ABCB5: variants seen among roughly 807,000 people sequenced by gnomAD.
ABCB5 encodes the protein ATP-binding cassette sub-family B member 5.
A neutral mutation model predicts 144.2 loss-of-function variants in ABCB5; 155 were observed. That is an observed-to-expected ratio of 1.08 (90% CI 0.94 to 1.23). ABCB5 has a LOEUF of 1.23. Ranked by LOEUF, ABCB5 falls within the 50% of genes most tolerant of loss-of-function variation. The pLI, the probability that ABCB5 is intolerant of heterozygous loss-of-function variation, is 0.00. For synonymous variants in ABCB5, 610 were observed against 528.6 expected, an observed-to-expected ratio of 1.15 and a Z score of -2.11; for missense variants, 1,830 against 1,520.8, an observed-to-expected ratio of 1.20 and a Z score of -3.38.
intron 20 of ABCB5, among the ~76,000 whole-genome samples, chr7:20,706,551 C>G (rs111608909): frequency 0.01 from 1,583 of 152,294 alleles, 27 homozygotes; most frequent in African/African-American, 0.037. Flanking sequence ...TGACTAATAT[C>G]ATTTCATCAC....
intron 15 of ABCB5, among the ~76,000 whole-genome samples, chr7:20,682,381 T>C (rs573256550): frequency 9.9e-4 from 150 of 152,146 alleles, no homozygotes; most frequent in African/African-American, 3.5e-3. Flanking sequence ...AAAAGCAAGA[T>C]TGATGGGGAG....
intron 23 of ABCB5, among the ~76,000 whole-genome samples, chr7:20,731,018 C>G (rs760361025): frequency 6.6e-6 from 1 of 151,964 alleles, no homozygotes; most frequent in African/African-American, 2.4e-5. Context: ...TCATCAATTT[C>G]TCTGTCACTA....
chr7:20,708,522 A>G lies in ABCB5; in HGVS notation c.2421+3715A>G, dbSNP rs74783484. On this transcript the variant is annotated intron_variant, in intron 20 of 27. Coordinates refer to ENST00000404938, the MANE Select transcript of ABCB5 (RefSeq NM_001163941.2). ...TTGTCTGAAAAAAAATTGTTTTTCA[A>G]TCTTGGCCTTGAATTCATAATATTG... 5.9e-5 allele frequency among the ~76,000 whole-genome samples: 9 copies of G among 152,266 alleles called. No individual in the cohort carries two copies. The East Asian group carries it at 1.2e-3, about 20-fold the overall frequency.
chr7:20,645,094 G>A (rs1313664506), intron 7 of ABCB5, among the ~76,000 whole-genome samples: 1 of 152,180 alleles, frequency 6.6e-6, no homozygotes, highest in African/African-American at 2.4e-5. Flanking sequence ...GTGAAGGTCA[G>A]AGTTATCCAG....
chr7:20,643,850 C>T (rs1326777548), intron 7 of ABCB5, among the ~76,000 whole-genome samples: 1 of 152,224 alleles, frequency 6.6e-6, no homozygotes, highest in African/African-American at 2.4e-5. Context: ...AGCTTACTAA[C>T]ATTGAAAACA....
At chr7:20,678,462 A>G (rs1453936037) in intron 14 of ABCB5, among the ~76,000 whole-genome samples, 1 of 152,164 alleles carries the variant, frequency 6.6e-6, no homozygotes. Context: ...TCTGAGTTCC[A>G]TTTTCCTGCT....
intron 14 of ABCB5, among the ~76,000 whole-genome samples, chr7:20,664,552 A>G (rs1785108751): frequency 6.6e-6 from 1 of 152,176 alleles, no homozygotes; most frequent in Non-Finnish European, 1.5e-5. Context: ...CTTCCTCCCA[A>G]AATAAGGAAA....
chr7:20,674,942 C>T (rs1376638494), intron 14 of ABCB5, among the ~76,000 whole-genome samples: 1 of 151,824 alleles, frequency 6.6e-6, no homozygotes, highest in Non-Finnish European at 1.5e-5. Flanking sequence ...TAGAAATAAA[C>T]TTAAGAAGCT....
intron 14 of ABCB5, among the ~76,000 whole-genome samples, chr7:20,672,081 G>A (rs1785470312): frequency 6.6e-6 from 1 of 152,064 alleles, no homozygotes; most frequent in Non-Finnish European, 1.5e-5. Context: ...GCATTTTTAT[G>A]TGCATATTAA....
intron 24 of ABCB5, among the ~76,000 whole-genome samples, chr7:20,741,096 CCTT>C (rs1321514144): frequency 1.1e-4 from 16 of 147,188 alleles, no homozygotes; most frequent in Non-Finnish European, 2.2e-4. Context: ...GAGCGAGACT[CCTT>C]CTCAAAAAAA....
intron 13 of ABCB5, 53 bp from the exon 14 acceptor site, chr7:20,658,453 C>G: frequency 6.4e-7 from 1 of 1,566,006 alleles, no homozygotes; most frequent in East Asian, 2.2e-5. Context: ...CCTGTTCTAA[C>G]CATTTGATCA....
intron 3 of ABCB5, among the ~76,000 whole-genome samples, chr7:20,627,520 C>T (rs138322373): frequency 1.3e-5 from 2 of 152,012 alleles, no homozygotes; most frequent in South Asian, 2.1e-4. Context: ...TGGCCTCTCT[C>T]GGTAATATAA....
chr7:20,626,953 ACTAT>A (rs1475526039), intron 3 of ABCB5, among the ~76,000 whole-genome samples: 3 of 151,314 alleles, frequency 2.0e-5, no homozygotes, highest in African/African-American at 7.3e-5. Context: ...AGTGACTTTT[ACTAT>A]CTATGTTTAC....
intron 14 of ABCB5, among the ~76,000 whole-genome samples, chr7:20,676,550 T>C (rs1241250648): frequency 2.0e-5 from 3 of 152,158 alleles, no homozygotes; most frequent in Non-Finnish European, 2.9e-5. Flanking sequence ...CAGTCAGACT[T>C]GTAGATGCAG....
rs184386560 is a variant in ABCB5 at position 20,642,131 on chromosome 7, A to G, written c.315-1053A>G. 4.7e-3 allele frequency among the ~76,000 whole-genome samples: 710 copies of G among 152,294 alleles called. 20 individuals carry two copies. Among genetic ancestry groups the G allele is most frequent in the South Asian group, 0.046 (222 of 4,830 alleles). ...GGAGTGGTCTTTTAAAAAGTTGAAC[A>G]GATAATGCCATCCCATGCTCAGATC... On this transcript the variant is annotated intron_variant, in intron 5 of 27. Transcript: ENST00000404938.
At position 20,725,723 on chromosome 7, in the gene ABCB5, C is replaced by T. The variant is rs190427558; in HGVS notation, c.2626-1317C>T. Among the ~76,000 whole-genome samples the T allele has an allele frequency of 2.0e-5, 3 of 151,966 alleles. No individual in the cohort carries two copies. The East Asian group carries it at 5.8e-4, about 29-fold the overall frequency. ...TTCATTCCTTTTTTTATCTTCATTCCTTTTGTTTTTCCTCAAAATTTTTTT... is the reference window on the plus strand; with the variant it reads ...TTCATTCCTTTTTTTATCTTCATTCTTTTTGTTTTTCCTCAAAATTTTTTT... On this transcript the variant is annotated intron_variant, in intron 21 of 27. Coordinates refer to ENST00000404938, the MANE Select transcript of ABCB5 (RefSeq NM_001163941.2).
intron 15 of ABCB5, 21 bp downstream of exon 15, chr7:20,681,687 T>C (rs756279095): frequency 1.3e-5 from 21 of 1,608,448 alleles, no homozygotes; most frequent in Non-Finnish European, 1.7e-5. Context: ...TGTGACATAA[T>C]GCTATGTCAG....
At position 20,685,702 on chromosome 7, in the gene ABCB5, A is replaced by T. The variant is rs76179099; in HGVS notation, c.1876A>T (p.Lys626Ter). The change falls in exon 16 of 28, where the codon AAA becomes TAA. Residue 626 changes from lysine to a stop codon, truncating the protein, a stop_gained. Coordinates refer to ENST00000404938, the MANE Select transcript of ABCB5 (RefSeq NM_001163941.2). LOFTEE classifies it high-confidence loss of function. ...TATATATTCTTCCTGTAAGGATATT[A>T]AAAAAGCTGATGAACAGATGGAGTC... ...YYSLVMSQDI[K>*]KADEQMESMT... The T allele has an allele frequency of 1.3e-3, 2,101 of 1,603,680 alleles. 17 individuals carry two copies. In the African/African-American group the frequency reaches 0.026, roughly 20 times the overall value.
chr7:20,679,195 C>T (rs1007399312), intron 14 of ABCB5, among the ~76,000 whole-genome samples: 5 of 151,992 alleles, frequency 3.3e-5, no homozygotes, highest in South Asian at 2.1e-4. Flanking sequence ...AAGCCAGGCA[C>T]GGTGGTTCAC....
Sources: allele counts gnomAD v4.1 joint callset (sites outside exome capture counted in the v4.1 genomes callset), GRCh38; gene constraint gnomAD v4.1.1; transcripts MANE v1.5; gene names NCBI Gene and HGNC (gene_info 2026-07-23, HGNC 2026-07-21).